Variants in KDM1B observed in about 807,000 individuals in gnomAD.
KDM1B encodes the protein lysine-specific histone demethylase 2.
In KDM1B, 63 loss-of-function variants were observed where a neutral mutation model predicts 107.4. The observed-to-expected ratio is 0.59, with a 90% CI of 0.48 to 0.72. The LOEUF (loss-of-function observed/expected upper bound fraction) is 0.72, where lower values mean the gene tolerates loss of function less well. KDM1B is among the 30% of genes least tolerant of loss of function. The probability of loss-of-function intolerance (pLI) is 0.00; values close to 1 mark genes in which losing one functional copy is unlikely to be tolerated. For missense variants in KDM1B, 749 were observed against 1,020.8 expected (o/e 0.73, Z 3.63); for synonymous variants, 363 against 363.9 (o/e 1.00, Z 0.03).
intron 7 of KDM1B, among the ~76,000 whole-genome samples, chr6:18,178,394 ATTAT>A (rs752275286): frequency 2.0e-5 from 3 of 147,184 alleles, no homozygotes; most frequent in African/African-American, 7.6e-5. Context: ...CCTATTTTTT[ATTAT>A]TTATTTATTT....
chr6:18,199,442 G>A (rs1787889956), intron 12 of KDM1B, among the ~76,000 whole-genome samples: 1 of 152,174 alleles, frequency 6.6e-6, no homozygotes. Context: ...ACCTCTCCTT[G>A]AGAATTTCAA....
At chr6:18,171,924 A>G (rs1187287087) in intron 7 of KDM1B, among the ~76,000 whole-genome samples, 1 of 152,220 alleles carries the variant, frequency 6.6e-6, no homozygotes, top group Non-Finnish European at 1.5e-5. Flanking sequence ...AAGTTCCTTC[A>G]GTAGATTTCT....
At chr6:18,171,610 C>T in intron 7 of KDM1B, 131 bp downstream of exon 7, 1 of 653,392 alleles carries the variant, frequency 1.5e-6, no homozygotes, top group East Asian at 2.7e-5. Context: ...GTAATAGAAC[C>T]CCAACTATAA....
In KDM1B at chr6:18,222,231, G is replaced by T; in HGVS notation, c.*239G>T. 1 of 620,608 alleles carries T rather than the reference G, an allele frequency of 1.6e-6. No homozygotes were observed. Among genetic ancestry groups the T allele is most frequent in the Non-Finnish European group, 3.0e-6 (1 of 334,112 alleles). The allele number at this position is 620,608 out of a possible 1,614,324, so 38.4% of individuals were successfully genotyped here. A position where few individuals can be genotyped will look rare whatever the true frequency, so the allele number is the denominator to read the frequency against. ...TAGGTTCAACTACTGCTGAAAGTCTGGATTTCAGAATAAAGCAGAATGTAA... is the reference window on the plus strand; with the variant it reads ...TAGGTTCAACTACTGCTGAAAGTCTTGATTTCAGAATAAAGCAGAATGTAA... On this transcript the variant is annotated 3_prime_UTR_variant, in exon 22 of 22. Coordinates refer to ENST00000650836, the MANE Select transcript of KDM1B (RefSeq NM_001364614.2).
At chr6:18,221,483 G>C (rs765486270) in intron 21 of KDM1B, among the ~76,000 whole-genome samples, 22 of 152,046 alleles carry the variant, frequency 1.4e-4, no homozygotes, top group Non-Finnish European at 3.1e-4. Flanking sequence ...ACGGTCCCTG[G>C]TATATCCTTT....
rs940298213 is a variant in KDM1B at position 18,201,188 on chromosome 6, T to G, written c.1360-298T>G. Among the ~76,000 whole-genome samples the G allele has an allele frequency of 2.6e-5, 4 of 152,218 alleles. No homozygotes were observed. Among genetic ancestry groups the G allele is most frequent in the Non-Finnish European group, 5.9e-5 (4 of 68,036 alleles). On this transcript the variant is annotated intron_variant, in intron 13 of 21. Transcript: ENST00000650836. This position sits in a 1 kb window ranked among gnomAD's most constrained non-coding sequence, Gnocchi z 4.3. ...GGGTCCACAGAGGAGACAGAATGTT[T>G]GAGCAAGGACAGGCAGTGTCTAGCA... is the stretch of plus-strand genomic sequence containing the variant.
chr6:18,199,779 A>G (rs138594617), intron 12 of KDM1B, among the ~76,000 whole-genome samples: 118 of 151,896 alleles, frequency 7.8e-4, no homozygotes, highest in Admixed American at 2.4e-3. Context: ...TGCTATGTAG[A>G]TATTTCTTAG....
chr6:18,161,812 T>C (rs770482450), intron 4 of KDM1B, among the ~76,000 whole-genome samples: 12 of 152,182 alleles, frequency 7.9e-5, no homozygotes, highest in Non-Finnish European at 1.5e-4. Flanking sequence ...TGTTTACTTT[T>C]CGTTGTGTTT....
In KDM1B at chr6:18,191,504, A is replaced by G. The variant is rs909200416; in HGVS notation, c.969+123A>G. The G allele has an allele frequency of 4.6e-6, 5 of 1,076,644 alleles. No individual in the cohort carries two copies. In the African/African-American group the frequency reaches 6.4e-5, roughly 14 times the overall value. 66.7% of individuals were successfully genotyped at this position (1,076,644 alleles called of 1,614,324 possible). A position where few individuals can be genotyped will look rare whatever the true frequency, so the allele number is the denominator to read the frequency against. ...GTTTCTCAGCCGTGCCTCTGTTGAC[A>G]ATTTGGGCAGATAATTCTTTGTGGT... On this transcript the variant is annotated intron_variant, in intron 10 of 21. Transcript: ENST00000650836. This position sits in a 1 kb window ranked among gnomAD's most constrained non-coding sequence, Gnocchi z 5.1.
Position 18,214,929 on chromosome 6 carries a change from AAAAAAC to A in KDM1B, c.2110-72_2110-67del, listed in dbSNP as rs2151031880. 3 of 1,457,020 alleles carry A rather than the reference AAAAAAC, an allele frequency of 2.1e-6. No homozygotes were observed. The highest frequency in any genetic ancestry group is 1.9e-5 in the African/African-American group (1 of 53,932). The allele number at this position is 1,457,020 out of a possible 1,614,324, so 90.3% of individuals were successfully genotyped here. On this transcript the variant is annotated intron_variant, in intron 19 of 21. Coordinates refer to ENST00000650836, the MANE Select transcript of KDM1B (RefSeq NM_001364614.2). The surrounding 1 kb of genome is among the most constrained non-coding windows in gnomAD (Gnocchi z 4.4). ...TGTCTCATTTAAAACAAAACAAAAC[AAAAAAC>A]AAAAAAAAGAGGCCCTTATCTGTGG...
rs1477517611 is a variant in KDM1B, at chr6:18,191,205, A to G, written c.793A>G (p.Met265Val). The G allele has an allele frequency of 1.3e-6, 2 of 1,550,342 alleles. No individual in the cohort carries two copies. The highest frequency in any genetic ancestry group is 3.9e-5 in the Admixed American group (2 of 50,946). ...KAALSVHVPG[M>V]NRYFQPFYQP... ...TTTGTGTTACCTATCAGTTCCAGGCATGAACCGATACTTCCAGCCTTTCTA... is the reference window on the plus strand; with the variant it reads ...TTTGTGTTACCTATCAGTTCCAGGCGTGAACCGATACTTCCAGCCTTTCTA... The change falls in exon 10 of 22, where the codon ATG becomes GTG. Residue 265 changes from methionine (M) to valine (V), a missense_variant. Met to Val is a conservative substitution (Grantham distance 21, BLOSUM62 1). Transcript: ENST00000650836. This position sits in a 1 kb window ranked among gnomAD's most constrained non-coding sequence, Gnocchi z 5.1.
rs1029255213 is a variant in KDM1B at position 18,186,528 on chromosome 6, T to C, written c.573+718T>C. On this transcript the variant is annotated intron_variant, in intron 8 of 21. Coordinates refer to ENST00000650836, the MANE Select transcript of KDM1B (RefSeq NM_001364614.2). This position sits in a 1 kb window ranked among gnomAD's most constrained non-coding sequence, Gnocchi z 5.6. ...CTTTTCAGGCAAAGACAGCATTGAC[T>C]TTTAGCAAATCTACTTTAAATCCAT... is the stretch of plus-strand genomic sequence containing the variant. Among the ~76,000 whole-genome samples the C allele has an allele frequency of 1.3e-5, 2 of 152,206 alleles. No homozygotes were observed. Among genetic ancestry groups the C allele is most frequent in the Non-Finnish European group, 2.9e-5 (2 of 68,040 alleles).
intron 7 of KDM1B, among the ~76,000 whole-genome samples, chr6:18,180,062 CG>C (rs1220123365): frequency 6.9e-6 from 1 of 145,688 alleles, no homozygotes; most frequent in Non-Finnish European, 1.5e-5. Flanking sequence ...TTAATAGAGA[CG>C]GGGTTTTGCT....
Position 18,185,787 on chromosome 6 carries a change from C to A in KDM1B, c.550C>A (p.His184Asn). The A allele has an allele frequency of 6.2e-7, 1 of 1,613,994 alleles. No homozygotes were observed. Among genetic ancestry groups the A allele is most frequent in the Non-Finnish European group, 8.5e-7 (1 of 1,179,918 alleles). The change falls in exon 8 of 22, where the codon CAT (histidine) becomes AAT (asparagine). Residue 184 changes from histidine (H) to asparagine (N), a missense_variant. Physicochemically the swap from His to Asn is moderately conservative, Grantham distance 68. Coordinates refer to ENST00000650836, the MANE Select transcript of KDM1B (RefSeq NM_001364614.2). ...NTAIKPETSD[H>N]CSLPEDLRVL... ...TCTTTTGTAGCCTGAGACCTCAGAT[C>A]ATTGTTCCCTCCCAGAGGATCTAGT...
chr6:18,219,137 C>T (rs1323233797), intron 21 of KDM1B, among the ~76,000 whole-genome samples: 1 of 152,074 alleles, frequency 6.6e-6, no homozygotes, highest in Non-Finnish European at 1.5e-5. Flanking sequence ...CTCCTGACCT[C>T]GTGATCTGCC....
In KDM1B at chr6:18,171,643, T is replaced by C. The variant is rs145572533; in HGVS notation, c.534+164T>C. ...TAATGGCTTAACCAATTAAGGATTT[T>C]ACTTTTCCGTCATTATAAGCAGTTA... On this transcript the variant is annotated intron_variant, in intron 7 of 21. Coordinates refer to ENST00000650836, the MANE Select transcript of KDM1B (RefSeq NM_001364614.2). Among the ~76,000 whole-genome samples the C allele has an allele frequency of 3.3e-5, 5 of 152,370 alleles. No individual in the cohort carries two copies. The East Asian group carries it at 9.6e-4, about 29-fold the overall frequency.
intron 2 of KDM1B, among the ~76,000 whole-genome samples, chr6:18,158,366 A>G: frequency 6.6e-6 from 1 of 151,834 alleles, no homozygotes; most frequent in East Asian, 1.9e-4. Context: ...AATCATCCGT[A>G]ACATTGATGT....
chr6:18,195,078 A>T (rs1051953650), intron 10 of KDM1B, among the ~76,000 whole-genome samples: 1 of 152,198 alleles, frequency 6.6e-6, no homozygotes, highest in African/African-American at 2.4e-5. Flanking sequence ...TTTGCTTGGC[A>T]TAATGTTTTC....
At chr6:18,185,695 T>G in intron 7 of KDM1B, 77 bp from the exon 8 acceptor site, 1 of 1,245,108 alleles carries the variant, frequency 8.0e-7, no homozygotes, top group South Asian at 1.2e-5. Flanking sequence ...AAAAGAGATA[T>G]CTTATTGAAG....
Sources: allele counts gnomAD v4.1 joint callset (sites outside exome capture counted in the v4.1 genomes callset), GRCh38; gene constraint gnomAD v4.1.1; non-coding constraint Gnocchi (gnomAD v3.1); transcripts MANE v1.5; gene names NCBI Gene and HGNC (gene_info 2026-07-23, HGNC 2026-07-21).